The following GRM7 variants were observed in gnomAD, a reference collection of about 807,000 sequenced individuals.
GRM7 encodes the protein metabotropic glutamate receptor 7.
GRM7 carries 35 observed loss-of-function variants against 84.5 expected under a neutral mutation model. The observed-to-expected ratio is 0.41, with a 90% CI of 0.32 to 0.55. The LOEUF (loss-of-function observed/expected upper bound fraction) is 0.55, where lower values mean the gene tolerates loss of function less well. Among genes scored for constraint, GRM7 ranks in the 20% least tolerant of loss-of-function variants. The pLI is 0.19. For synonymous variants in GRM7, 487 were observed against 455.1 expected (o/e 1.07, Z -0.89); for missense variants, 1,003 against 1,194.6 (o/e 0.84, Z 2.36).
At chr3:7,309,190 G>C (rs10510356) in intron 4 of GRM7, among the ~76,000 whole-genome samples, 71,932 of 151,990 alleles carry the variant, frequency 0.47, 18,723 homozygotes, top group Non-Finnish European at 0.6. Flanking sequence ...GTTCACTTTC[G>C]TAGCAGACAG....
At chr3:7,394,905 G>A (rs1412807478) in intron 4 of GRM7, among the ~76,000 whole-genome samples, 1 of 152,044 alleles carries the variant, frequency 6.6e-6, no homozygotes, top group Non-Finnish European at 1.5e-5. Flanking sequence ...AGGCGTGGTG[G>A]CGGGCACCCA....
chr3:6,891,257 G>T (rs1461838177), intron 1 of GRM7, among the ~76,000 whole-genome samples: 3 of 152,108 alleles, frequency 2.0e-5, no homozygotes, highest in African/African-American at 7.2e-5. Flanking sequence ...TGTTATGTGT[G>T]AATTTGATCC....
At chr3:7,028,400 C>G (rs1696056348) in intron 1 of GRM7, among the ~76,000 whole-genome samples, 1 of 152,032 alleles carries the variant, frequency 6.6e-6, no homozygotes, top group South Asian at 2.1e-4. Flanking sequence ...TTGGATGGTT[C>G]AAGAGTGGAT....
At chr3:7,708,798 G>A (rs1299513181) in intron 9 of GRM7, among the ~76,000 whole-genome samples, 1 of 152,090 alleles carries the variant, frequency 6.6e-6, no homozygotes, top group African/African-American at 2.4e-5. Flanking sequence ...CCGATGAGAT[G>A]TGAGTTGGCT....
intron 2 of GRM7, among the ~76,000 whole-genome samples, chr3:7,293,422 ATG>A (rs1559558933): frequency 6.6e-6 from 1 of 152,102 alleles, no homozygotes; most frequent in East Asian, 1.9e-4. Flanking sequence ...TCTCTCTTGT[ATG>A]TATCACTCTC....
At chr3:7,141,634 AAGGACAGCTATGAAGAGGGAGT>A (rs1412166354) in intron 1 of GRM7, among the ~76,000 whole-genome samples, 1 of 152,060 alleles carries the variant, frequency 6.6e-6, no homozygotes, top group African/African-American at 2.4e-5. Flanking sequence ...TCATGTTTAA[AAGGACAGCTATGAAGAGGGAGT>A]ATGCTACAAC....
At chr3:7,245,306 A>G (rs1697716719) in intron 2 of GRM7, among the ~76,000 whole-genome samples, 1 of 152,038 alleles carries the variant, frequency 6.6e-6, no homozygotes, top group Non-Finnish European at 1.5e-5. Context: ...AAAGAAGCCA[A>G]ACGAATCTCA....
intron 7 of GRM7, among the ~76,000 whole-genome samples, chr3:7,478,025 A>G (rs1184281142): frequency 6.6e-6 from 1 of 151,954 alleles, no homozygotes; most frequent in Non-Finnish European, 1.5e-5. Context: ...GATTTTTTTG[A>G]ATTTCTACCA....
At chr3:7,550,772 G>C (rs890948881) in intron 7 of GRM7, among the ~76,000 whole-genome samples, 3 of 152,086 alleles carry the variant, frequency 2.0e-5, no homozygotes, top group East Asian at 2.0e-4. Flanking sequence ...GTCTATAGCT[G>C]TGGTGTGTGG....
At chr3:7,278,531 T>C (rs1436154429) in intron 2 of GRM7, among the ~76,000 whole-genome samples, 2 of 152,184 alleles carry the variant, frequency 1.3e-5, no homozygotes, top group Non-Finnish European at 2.9e-5. Context: ...CTTTTTAATT[T>C]ATTCATTCAT....
chr3:7,540,455 G>A (rs372125276), intron 7 of GRM7, among the ~76,000 whole-genome samples: 4 of 152,262 alleles, frequency 2.6e-5, no homozygotes, highest in African/African-American at 7.2e-5. Context: ...AAAACATTAT[G>A]CTAAGTGAAA....
intron 1 of GRM7, among the ~76,000 whole-genome samples, chr3:7,001,946 A>G (rs1197736486): frequency 6.6e-6 from 1 of 152,210 alleles, no homozygotes; most frequent in African/African-American, 2.4e-5. Context: ...TAAGTCCCCT[A>G]AGCCAATTAC....
intron 1 of GRM7, among the ~76,000 whole-genome samples, chr3:6,895,633 G>A (rs1696150590): frequency 6.6e-6 from 1 of 152,120 alleles, no homozygotes; most frequent in African/African-American, 2.4e-5. Flanking sequence ...TAGTCCTTCA[G>A]AATCTATCTC....
intron 2 of GRM7, among the ~76,000 whole-genome samples, chr3:7,153,805 AAAC>A (rs1279687576): frequency 6.8e-6 from 1 of 147,314 alleles, no homozygotes; most frequent in Non-Finnish European, 1.5e-5. Flanking sequence ...ATTCTAGTAG[AAAC>A]AACAATAGGA....
intron 1 of GRM7, among the ~76,000 whole-genome samples, chr3:6,977,773 C>T (rs1266600078): frequency 1.3e-5 from 2 of 152,116 alleles, no homozygotes; most frequent in Non-Finnish European, 2.9e-5. Flanking sequence ...AACATGACTT[C>T]AGTGGGTTAA....
intron 2 of GRM7, among the ~76,000 whole-genome samples, chr3:7,243,945 A>G (rs1425339102): frequency 6.6e-6 from 1 of 152,130 alleles, no homozygotes; most frequent in Non-Finnish European, 1.5e-5. Context: ...GTGAAAATAT[A>G]ATATAAAAAA....
At chr3:6,929,373 C>G (rs1697418611) in intron 1 of GRM7, among the ~76,000 whole-genome samples, 1 of 152,130 alleles carries the variant, frequency 6.6e-6, no homozygotes, top group Non-Finnish European at 1.5e-5. Context: ...CTACTGGAGA[C>G]AGCACTGAGG....
intron 4 of GRM7, among the ~76,000 whole-genome samples, chr3:7,403,622 GATATATATATATATAT>G (rs59465377): frequency 7.9e-6 from 1 of 126,952 alleles, no homozygotes; most frequent in Non-Finnish European, 1.7e-5. Context: ...GAGTAATTCT[GATATATATATATATAT>G]ATATATATAT....
chr3:7,386,499 C>G (rs1323914892), intron 4 of GRM7, among the ~76,000 whole-genome samples: 2 of 152,120 alleles, frequency 1.3e-5, no homozygotes, highest in Admixed American at 6.6e-5. Flanking sequence ...ATGTTTAGCT[C>G]CCACTTATAA....
Sources: gnomAD v4.1 joint callset for allele counts (sites outside exome capture counted in the v4.1 genomes callset) on GRCh38, gnomAD v4.1.1 for gene constraint, MANE v1.5 for transcripts, NCBI Gene and HGNC (gene_info 2026-07-23, HGNC 2026-07-21) for gene names.